The following CHRM3 variants were observed in gnomAD, a reference collection of about 807,000 sequenced individuals.
CHRM3 encodes cholinergic receptor muscarinic 3.
Under a neutral mutation model 41.8 loss-of-function variants are expected in CHRM3, and 11 were observed. That is an observed-to-expected ratio of 0.26 (90% CI 0.17 to 0.44). The LOEUF (loss-of-function observed/expected upper bound fraction) is 0.44. CHRM3 is among the 20% of genes least tolerant of loss of function. The pLI is 1.00. For synonymous variants in CHRM3, 297 were observed against 301.4 expected (o/e 0.99, Z 0.15); for missense variants, 571 against 745.4 (o/e 0.77, Z 2.72).
intron 5 of CHRM3, among the ~76,000 whole-genome samples, chr1:239,769,414 C>A (rs963529472): frequency 5.3e-5 from 8 of 152,148 alleles, no homozygotes; most frequent in Non-Finnish European, 1.0e-4. Context: ...AGACAGAGAG[C>A]CCCAAGATGT....
In CHRM3 at chr1:239,405,684, G is replaced by C. The variant is rs116219541; in HGVS notation, c.-521+18457G>C. ...CAGTAGATGGCAGACAACTGCATTTGTGTGTCCAATGAGCGGGTCAAGTTT... is the reference window on the plus strand; with the variant it reads ...CAGTAGATGGCAGACAACTGCATTTCTGTGTCCAATGAGCGGGTCAAGTTT... On this transcript the variant is annotated intron_variant, in intron 1 of 6. Coordinates refer to ENST00000676153, the MANE Select transcript of CHRM3 (RefSeq NM_001375978.1). Among the ~76,000 whole-genome samples the C allele has an allele frequency of 8.5e-3, 1,286 of 152,176 alleles. 16 individuals are homozygous for C. The highest frequency in any genetic ancestry group is 0.03 in the African/African-American group (1,235 of 41,496).
At chr1:239,524,752 C>A (rs544018279) in intron 2 of CHRM3, among the ~76,000 whole-genome samples, 23 of 152,160 alleles carry the variant, frequency 1.5e-4, no homozygotes, top group Admixed American at 9.2e-4. Context: ...TGAGCTGCAG[C>A]TTTTTTACCG....
At position 239,538,219 on chromosome 1, in the gene CHRM3, A is replaced by G. The variant is rs541885867; in HGVS notation, c.-421-7422A>G. Among the ~76,000 whole-genome samples, 9 of 152,372 alleles carry G rather than the reference A, an allele frequency of 5.9e-5. No individual in the cohort carries two copies. The South Asian group carries it at 1.9e-3, about 32-fold the overall frequency. ...CCAAGTATCCCTTCCTTTAATTTAC[A>G]TAGTTCTCATCTTCCATGCAATTAT... is the stretch of plus-strand genomic sequence containing the variant. On this transcript the variant is annotated intron_variant, in intron 2 of 6. Coordinates refer to ENST00000676153, the MANE Select transcript of CHRM3 (RefSeq NM_001375978.1).
intron 3 of CHRM3, among the ~76,000 whole-genome samples, chr1:239,553,410 A>G (rs1660056438): frequency 6.6e-6 from 1 of 152,064 alleles, no homozygotes; most frequent in Non-Finnish European, 1.5e-5. Context: ...ATCTATATCT[A>G]TTTGGAGACA....
At chr1:239,839,980 T>A (rs1313162013) in intron 6 of CHRM3, among the ~76,000 whole-genome samples, 1 of 152,194 alleles carries the variant, frequency 6.6e-6, no homozygotes, top group African/African-American at 2.4e-5. Flanking sequence ...GTTGTTGAGT[T>A]GTTAATACAA....
At chr1:239,435,190 G>A (rs1485763911) in intron 1 of CHRM3, among the ~76,000 whole-genome samples, 4 of 142,218 alleles carry the variant, frequency 2.8e-5, no homozygotes, top group Non-Finnish European at 6.2e-5. Context: ...GATGGCTCAC[G>A]CCTGTAATCC....
chr1:239,439,400 T>C (rs1472232874), intron 1 of CHRM3, among the ~76,000 whole-genome samples: 2 of 152,078 alleles, frequency 1.3e-5, no homozygotes, highest in African/African-American at 4.8e-5. Context: ...ATAAGTAATA[T>C]TGGAATTCGT....
In CHRM3 at chr1:239,564,822, A is replaced by C. The variant is rs893509371; in HGVS notation, c.-313+19073A>C. ...TGCACTTGAAGTTTGGAGGGAAAAA[A>C]TAATAAAATGCCATGTACTTATTTC... On this transcript the variant is annotated intron_variant, in intron 3 of 6. Coordinates refer to ENST00000676153, the MANE Select transcript of CHRM3 (RefSeq NM_001375978.1). Among the ~76,000 whole-genome samples, 4 of 152,306 alleles carry C rather than the reference A, an allele frequency of 2.6e-5. No individual in the cohort carries two copies. In the South Asian group the frequency reaches 8.3e-4, roughly 32 times the overall value.
chr1:239,899,612 A>G (rs2103001697), intron 6 of CHRM3, among the ~76,000 whole-genome samples: 1 of 152,042 alleles, frequency 6.6e-6, no homozygotes, highest in East Asian at 1.9e-4. Context: ...GTATATATAC[A>G]CTAAGTATAT....
At chr1:239,482,128 GT>G (rs1558255755) in intron 1 of CHRM3, among the ~76,000 whole-genome samples, 1 of 151,812 alleles carries the variant, frequency 6.6e-6, no homozygotes, top group East Asian at 1.9e-4. Flanking sequence ...CAACTTCTTA[GT>G]TTTTTCCTTT....
chr1:239,554,726 TTTC>T (rs1660192699), intron 3 of CHRM3, among the ~76,000 whole-genome samples: 1 of 135,378 alleles, frequency 7.4e-6, no homozygotes. Flanking sequence ...CATGTATTTC[TTTC>T]TTTTTTTTTT....
In CHRM3 at chr1:239,881,381, G is replaced by A. The variant is rs556205944; in HGVS notation, c.-19-26052G>A. ...CCACCAGCTGGCCTCACAAGAGAAA[G>A]TGGGTGAGGGGAAAAGAAAGGGAAA... is the stretch of plus-strand genomic sequence containing the variant. On this transcript the variant is annotated intron_variant, in intron 6 of 6. Coordinates refer to ENST00000676153, the MANE Select transcript of CHRM3 (RefSeq NM_001375978.1). 5.4e-3 allele frequency among the ~76,000 whole-genome samples: 808 copies of A among 150,768 alleles called. 6 individuals carry two copies. The highest frequency in any genetic ancestry group is 0.024 in the Middle Eastern group (7 of 294).
chr1:239,423,222 A>G (rs1662097459), intron 1 of CHRM3, among the ~76,000 whole-genome samples: 1 of 152,224 alleles, frequency 6.6e-6, no homozygotes, highest in South Asian at 2.1e-4. Flanking sequence ...TCTCTTTTAG[A>G]ACATGCATTA....
chr1:239,501,483 A>G (rs1668235629), intron 2 of CHRM3, among the ~76,000 whole-genome samples: 1 of 152,216 alleles, frequency 6.6e-6, no homozygotes, highest in African/African-American at 2.4e-5. Context: ...AACTTTCAAA[A>G]CAATGCAAAT....
At chr1:239,675,423 G>T (rs1331363942) in intron 4 of CHRM3, among the ~76,000 whole-genome samples, 1 of 152,092 alleles carries the variant, frequency 6.6e-6, no homozygotes, top group African/African-American at 2.4e-5. Context: ...CTTAATTCTT[G>T]TGATAACAAG....
chr1:239,656,783 A>G (rs931099445), intron 4 of CHRM3, among the ~76,000 whole-genome samples: 2 of 152,158 alleles, frequency 1.3e-5, no homozygotes, highest in South Asian at 2.1e-4. Context: ...ATAAAACATG[A>G]TTTTCCAACC....
At chr1:239,535,151 C>G (rs1015611066) in intron 2 of CHRM3, among the ~76,000 whole-genome samples, 1 of 152,074 alleles carries the variant, frequency 6.6e-6, no homozygotes, top group Non-Finnish European at 1.5e-5. Flanking sequence ...ATTCAGCACA[C>G]AGTGTTTGCT....
In CHRM3 at chr1:239,471,455, C is replaced by T. The variant is rs544139290; in HGVS notation, c.-520-21254C>T. 2.6e-5 allele frequency among the ~76,000 whole-genome samples: 4 copies of T among 152,282 alleles called. No individual in the cohort carries two copies. The South Asian group carries it at 6.2e-4, about 24-fold the overall frequency. ...TGGTCCATTGTTCCCCATGGAATGA[C>T]GCACAGTTGACAGGTAGATCCATAC... On this transcript the variant is annotated intron_variant, in intron 1 of 6. Coordinates refer to ENST00000676153, the MANE Select transcript of CHRM3 (RefSeq NM_001375978.1).
chr1:239,630,185 T>C (rs189072974), intron 3 of CHRM3, among the ~76,000 whole-genome samples: 1 of 152,358 alleles, frequency 6.6e-6, no homozygotes, highest in Non-Finnish European at 1.5e-5. Flanking sequence ...GACACTTCAA[T>C]AAAATTCAGT....
Sources: gnomAD v4.1 joint callset for allele counts (sites outside exome capture counted in the v4.1 genomes callset) on GRCh38, gnomAD v4.1.1 for gene constraint, MANE v1.5 for transcripts, NCBI Gene and HGNC (gene_info 2026-07-23, HGNC 2026-07-21) for gene names.